USP34: variants seen among roughly 807,000 people sequenced by gnomAD.
USP34 encodes ubiquitin specific peptidase 34.
USP34 carries 70 observed loss-of-function variants against 460.3 expected under a neutral mutation model. The observed-to-expected ratio is 0.15, with a 90% CI of 0.13 to 0.19. The LOEUF (loss-of-function observed/expected upper bound fraction) is 0.19. USP34 is among the 10% of genes least tolerant of loss of function. USP34 has a pLI of 1.00. For missense variants in USP34, 3,985 were observed against 4,236.2 expected (o/e 0.94, Z 1.65); for synonymous variants, 1,647 against 1,405.3 (o/e 1.17, Z -3.85).
At position 61,395,756 on chromosome 2, in the gene USP34, C is replaced by A. The variant is rs1418032372; in HGVS notation, c.553-523G>T. Among the ~76,000 whole-genome samples, 4 of 134,934 alleles carry A rather than the reference C, an allele frequency of 3.0e-5. No individual in the cohort carries two copies. In the East Asian group the frequency reaches 6.3e-4, roughly 21 times the overall value. The allele number at this position is 134,934 out of a possible 152,430, so 88.5% of individuals were successfully genotyped here. The stretch of plus-strand genomic sequence containing the variant: ...AGCGGAGATCGCGCCACAGCACTCC[C>A]GCCTGGGCGACAGAACGAGACTCCG... On this transcript the variant is annotated intron_variant, in intron 3 of 79. Transcript: ENST00000398571.
At chr2:61,258,753 T>C (rs139148495) in intron 44 of USP34, among the ~76,000 whole-genome samples, 1 of 152,304 alleles carries the variant, frequency 6.6e-6, no homozygotes, top group African/African-American at 2.4e-5. Flanking sequence ...TTGTAAGATT[T>C]ACTATCTTTT....
chr2:61,257,191 T>C lies in USP34; in HGVS notation c.5991+13A>G. On this transcript the variant is annotated intron_variant, in intron 45 of 79. Transcript: ENST00000398571. ...CAAATTTCAAAGAAACTTTTCAGTA[T>C]TCTGATACTAACCAGTTCGGGAGAC... The C allele has an allele frequency of 6.3e-7, 1 of 1,597,570 alleles. No homozygotes were observed. Among genetic ancestry groups the C allele is most frequent in the Non-Finnish European group, 8.5e-7 (1 of 1,174,668 alleles).
chr2:61,415,016 C>CCACA (rs545765528), intron 2 of USP34, among the ~76,000 whole-genome samples: 377 of 152,256 alleles, frequency 2.5e-3, no homozygotes, highest in Non-Finnish European at 4.1e-3. Flanking sequence ...TTTTCACCTG[C>CCACA]CACACAAAAA....
At chr2:61,412,246 GAAAA>G (rs948063692) in intron 2 of USP34, among the ~76,000 whole-genome samples, 5 of 135,736 alleles carry the variant, frequency 3.7e-5, no homozygotes, top group Non-Finnish European at 1.6e-5. Flanking sequence ...GAAAAGAAAA[GAAAA>G]AAGAAATTTA....
intron 33 of USP34, among the ~76,000 whole-genome samples, chr2:61,291,088 C>T (rs977083765): frequency 3.3e-5 from 5 of 152,030 alleles, no homozygotes; most frequent in Admixed American, 1.3e-4. Context: ...ATCTGAAATA[C>T]ATAAGGAATT....
chr2:61,309,885 C>A (rs1451299465), intron 27 of USP34, among the ~76,000 whole-genome samples: 1 of 152,188 alleles, frequency 6.6e-6, no homozygotes, highest in African/African-American at 2.4e-5. Context: ...CTGTATACAT[C>A]TGTAGGGAAG....
intron 16 of USP34, among the ~76,000 whole-genome samples, chr2:61,343,146 G>C (rs1691657808): frequency 1.3e-5 from 2 of 152,178 alleles, no homozygotes; most frequent in Admixed American, 6.5e-5. Context: ...CCATTTACTA[G>C]GCCAGCATAT....
intron 1 of USP34, among the ~76,000 whole-genome samples, chr2:61,433,317 C>G (rs1694727747): frequency 6.6e-6 from 1 of 152,180 alleles, no homozygotes; most frequent in Non-Finnish European, 1.5e-5. Flanking sequence ...CCCATTACCA[C>G]CACAAACACC....
chr2:61,226,213 G>C (rs1463760539), intron 62 of USP34, among the ~76,000 whole-genome samples: 1 of 152,142 alleles, frequency 6.6e-6, no homozygotes, highest in Non-Finnish European at 1.5e-5. Context: ...AAGTACATTT[G>C]TTTACAATAT....
At position 61,394,888 on chromosome 2, in the gene USP34, G is replaced by C. The variant is rs778399872; in HGVS notation, c.718C>G (p.Leu240Val). The C allele has an allele frequency of 6.3e-7, 1 of 1,596,206 alleles. No individual in the cohort carries two copies. Among genetic ancestry groups the C allele is most frequent in the Non-Finnish European group, 8.5e-7 (1 of 1,174,446 alleles). Residue 240 changes from leucine to valine, a missense_variant, in exon 5 of 80, where the codon CTT becomes GTT. By Grantham distance (32) the Leu-to-Val change is conservative. This residue lies in a region of USP34 where 331 missense variants were observed against 293.7 expected (regional missense o/e 1.13). Transcript: ENST00000398571. Reference sequence around the variant, plus strand: ...ACTGTAATAAACGCATGTGCTATAAGAAATGGCAAAGTTTCAGGAGTTCCA... The same window carrying C: ...ACTGTAATAAACGCATGTGCTATAACAAATGGCAAAGTTTCAGGAGTTCCA... ...EYGTPETLPF[L>V]IAHAFITVVS...
At chr2:61,324,206 G>A (rs1333041863) in intron 21 of USP34, among the ~76,000 whole-genome samples, 2 of 152,204 alleles carry the variant, frequency 1.3e-5, no homozygotes, top group Non-Finnish European at 2.9e-5. Context: ...TTGGCTAACA[G>A]AAATCAAGCT....
Position 61,299,762 on chromosome 2 carries a change from AAAT to A in USP34, c.4128+1186_4128+1188del, listed in dbSNP as rs545891322. Among the ~76,000 whole-genome samples, 604 of 152,180 alleles carry A rather than the reference AAAT, an allele frequency of 4.0e-3. 3 individuals carry two copies. The highest frequency in any genetic ancestry group is 0.013 in the African/African-American group (542 of 41,520). ...CTGAGACCATGTCTCACAAAAATAAAAATAATAATAAAATAAATGGCATCTTTA... is the reference window on the plus strand; with the variant it reads ...CTGAGACCATGTCTCACAAAAATAAAAATAATAAAATAAATGGCATCTTTA... On this transcript the variant is annotated intron_variant, in intron 29 of 79. Coordinates refer to ENST00000398571, the MANE Select transcript of USP34 (RefSeq NM_014709.4).
chr2:61,280,746 A>G (rs117851359), intron 38 of USP34, among the ~76,000 whole-genome samples: 97 of 152,304 alleles, frequency 6.4e-4, no homozygotes, highest in East Asian at 7.7e-4. Context: ...TATCATAAAG[A>G]TAAAAAGAAA....
chr2:61,468,349 A>G (rs1695848508), intron 1 of USP34, among the ~76,000 whole-genome samples: 1 of 152,144 alleles, frequency 6.6e-6, no homozygotes, highest in Non-Finnish European at 1.5e-5. Context: ...ACGCTCAGCT[A>G]ATTTTGTATT....
chr2:61,241,430 T>C, intron 53 of USP34, 130 bp downstream of exon 53: 1 of 597,614 alleles, frequency 1.7e-6, no homozygotes, highest in South Asian at 2.5e-5. Context: ...CAAGACTATT[T>C]GTAAATACTC....
intron 6 of USP34, among the ~76,000 whole-genome samples, chr2:61,381,459 T>A (rs1344425428): frequency 2.0e-5 from 3 of 152,062 alleles, no homozygotes; most frequent in African/African-American, 7.2e-5. Context: ...CCACCTCAGC[T>A]TCCCTGGTAG....
At chr2:61,404,455 C>G (rs1337674789) in intron 3 of USP34, among the ~76,000 whole-genome samples, 1 of 152,122 alleles carries the variant, frequency 6.6e-6, no homozygotes, top group East Asian at 1.9e-4. Flanking sequence ...TAACAGAAAG[C>G]AGCACAATAG....
At chr2:61,365,205 T>C (rs761839065) in intron 10 of USP34, among the ~76,000 whole-genome samples, 6 of 149,442 alleles carry the variant, frequency 4.0e-5, no homozygotes, top group Admixed American at 6.7e-5. Flanking sequence ...TAAGCTGAGA[T>C]TGCCCCATTG....
chr2:61,310,846 A>G (rs1690569709), intron 27 of USP34, among the ~76,000 whole-genome samples: 1 of 152,202 alleles, frequency 6.6e-6, no homozygotes. Context: ...TGAGTAGTAT[A>G]TGGAAATTTA....
Sources: allele counts gnomAD v4.1 joint callset (sites outside exome capture counted in the v4.1 genomes callset), GRCh38; gene constraint gnomAD v4.1.1; regional missense constraint gnomAD v4.1.1; transcripts MANE v1.5; gene names NCBI Gene and HGNC (gene_info 2026-07-23, HGNC 2026-07-21).